ASPHD1: variants seen among roughly 807,000 people sequenced by gnomAD.
The protein encoded by ASPHD1 is aspartate beta-hydroxylase domain-containing protein 1.
A neutral mutation model predicts 28.3 loss-of-function variants in ASPHD1; 20 were observed. That is an observed-to-expected ratio of 0.71 (90% CI 0.50 to 1.03). ASPHD1 has a LOEUF of 1.03. ASPHD1 is among the 50% of genes least tolerant of loss of function. The pLI, the probability that ASPHD1 is intolerant of heterozygous loss-of-function variation, is 0.00. For synonymous variants in ASPHD1, 240 were observed against 221.2 expected (o/e 1.08, Z -0.75); for missense variants, 479 against 524.1 (o/e 0.91, Z 0.84).
At position 29,901,988 on chromosome 16, in the gene ASPHD1, C is replaced by A; in HGVS notation, c.949+68C>A. On this transcript the variant is annotated intron_variant, in intron 1 of 2. Coordinates refer to ENST00000308748, the MANE Select transcript of ASPHD1 (RefSeq NM_181718.4). The surrounding 1 kb of genome is among the most constrained non-coding windows in gnomAD (Gnocchi z 5.1). Reference sequence around the variant, plus strand: ...TTTCCCCCCCAGACCCTTCTCTCCGCCAGAGCCGTCTGCTGTCTGGTTCTC... The same window carrying A: ...TTTCCCCCCCAGACCCTTCTCTCCGACAGAGCCGTCTGCTGTCTGGTTCTC... 8.0e-7 allele frequency: 1 copy of A among 1,255,736 alleles called. No homozygotes were observed. Among genetic ancestry groups the A allele is most frequent in the Non-Finnish European group, 1.0e-6 (1 of 956,390 alleles). The allele number at this position is 1,255,736 out of a possible 1,614,324, so 77.8% of individuals were successfully genotyped here.
At chr16:29,918,340 G>A (rs967444885) in intron 3 of ASPHD1, among the ~76,000 whole-genome samples, 4 of 152,196 alleles carry the variant, frequency 2.6e-5, no homozygotes, top group Admixed American at 1.3e-4. Context: ...AATTATGAAC[G>A]TCATTAATGA....
intron 3 of ASPHD1, chr16:29,912,219 G>A: frequency 1.6e-6 from 1 of 643,874 alleles, no homozygotes; most frequent in Non-Finnish European, 2.7e-6. Context: ...TTGCTTGCTG[G>A]GCCTTGGTCC....
At position 29,905,977 on chromosome 16, in the gene ASPHD1, T is replaced by A; in HGVS notation, c.*80T>A. 2.6e-6 allele frequency: 2 copies of A among 770,818 alleles called. No individual in the cohort carries two copies. The highest frequency in any genetic ancestry group is 4.2e-6 in the Non-Finnish European group (2 of 481,726). 47.7% of individuals were successfully genotyped at this position (770,818 alleles called of 1,614,324 possible). On this transcript the variant is annotated 3_prime_UTR_variant, in exon 3 of 3. Transcript: ENST00000308748. The stretch of plus-strand genomic sequence containing the variant: ...GCTTGATGGTAGCCAGGACCTCCTC[T>A]CTACTGCGGGGGTGGGCGGGGGCGG...
At chr16:29,919,680 TAAC>T (rs1252055697), downstream of ASPHD1, 1 of 152,154 alleles carries the variant, frequency 6.6e-6, no homozygotes, top group Non-Finnish European at 1.5e-5. Context: ...TGGCAATTAT[TAAC>T]AACAACAAAA....
downstream of ASPHD1, among the ~76,000 whole-genome samples, chr16:29,910,415 T>A (rs999070361): frequency 1.3e-5 from 2 of 149,338 alleles, no homozygotes; most frequent in African/African-American, 2.6e-5. Context: ...ATAATAATAA[T>A]AATAAATAAA....
rs770508315 is a variant in ASPHD1 at position 29,905,839 on chromosome 16, CCAA to C, written c.1117_1119del (p.Asn373del). On this transcript the variant is annotated inframe_deletion, in exon 3 of 3. Transcript: ENST00000308748. ...GTCTTCATCGTGGACCTCTGGCACC[CCAA>C]CGTGGCAGGGGCTGAGCGCCAGGCC... The C allele has an allele frequency of 6.2e-7, 1 of 1,613,762 alleles. No homozygotes were observed. Among genetic ancestry groups the C allele is most frequent in the East Asian group, 2.2e-5 (1 of 44,854 alleles).
intron 3 of ASPHD1, chr16:29,914,795 A>G (rs2068780951): frequency 6.6e-6 from 1 of 152,220 alleles, no homozygotes; most frequent in South Asian, 2.1e-4. Flanking sequence ...CCACACTCCC[A>G]GTGTGCAGTG....
At chr16:29,904,041 C>T (rs2068577688) in intron 1 of ASPHD1, among the ~76,000 whole-genome samples, 1 of 152,012 alleles carries the variant, frequency 6.6e-6, no homozygotes, top group Non-Finnish European at 1.5e-5. Flanking sequence ...TGCCGTGGCT[C>T]ATCCCTGAAA....
downstream of ASPHD1, among the ~76,000 whole-genome samples, chr16:29,910,096 TAAAA>T (rs529199170): frequency 9.1e-6 from 1 of 110,424 alleles, no homozygotes. Context: ...AGACTCTGTC[TAAAA>T]AAAAAAAAAA....
rs570295575 is a variant in ASPHD1, at chr16:29,901,136, G to A, written c.165G>A (p.Glu55=). ...GGGGACAGGGGAACTGGGGTCCGGA[G>A]GACGCCCCAGGCCTCTTGGCCAGGG... The part of the protein sequence containing the change: ...ELGGQGNWGP[E]DAPGLLARAS... The change falls in exon 1 of 3, where the codon GAG becomes GAA. Residue 55 remains glutamate (E), a synonymous_variant. Transcript: ENST00000308748. This position sits in a 1 kb window ranked among gnomAD's most constrained non-coding sequence, Gnocchi z 5.1. 1.1e-5 allele frequency: 17 copies of A among 1,609,504 alleles called. 2 individuals are homozygous for A. In the South Asian group the frequency reaches 1.9e-4, roughly 18 times the overall value.
At chr16:29,912,229 CCACGGA>C (rs925272396) in intron 3 of ASPHD1, 117 of 629,598 alleles carry the variant, frequency 1.9e-4, no homozygotes, top group Non-Finnish European at 2.9e-4. Flanking sequence ...GGCCTTGGTC[CCACGGA>C]CACCTTGCTG....
At chr16:29,910,697 C>T (rs1342908757), downstream of ASPHD1, among the ~76,000 whole-genome samples, 2 of 152,140 alleles carry the variant, frequency 1.3e-5, no homozygotes, top group African/African-American at 4.8e-5. Context: ...ACCCCCTATA[C>T]AGAAAAATGC....
At chr16:29,911,229 C>G (rs2068702768) in intron 3 of ASPHD1, 1 of 1,375,840 alleles carries the variant, frequency 7.3e-7, no homozygotes, top group South Asian at 1.3e-5. Flanking sequence ...CCCTCTGTAC[C>G]CCCAGAAGAC....
intron 3 of ASPHD1, chr16:29,915,031 A>G (rs1340330940): frequency 6.6e-6 from 1 of 152,198 alleles, no homozygotes; most frequent in East Asian, 1.9e-4. Context: ...CATACATATA[A>G]GTCACTGGTG....
downstream of ASPHD1, chr16:29,906,971 A>G (rs758198808): frequency 4.3e-6 from 7 of 1,613,992 alleles, no homozygotes; most frequent in South Asian, 6.6e-5. Context: ...GGTTCTCTTC[A>G]TCCTCCCCGC....
At chr16:29,917,817 G>A (rs181519513) in intron 3 of ASPHD1, among the ~76,000 whole-genome samples, 1 of 152,122 alleles carries the variant, frequency 6.6e-6, no homozygotes, top group Non-Finnish European at 1.5e-5. Flanking sequence ...GTGTCATGGT[G>A]CACGCCTGTA....
chr16:29,907,991 AAGAGAGAG>A (rs574753177), downstream of ASPHD1, among the ~76,000 whole-genome samples: 1 of 151,264 alleles, frequency 6.6e-6, no homozygotes, highest in Non-Finnish European at 1.5e-5. Context: ...AAAAAAAAAA[AAGAGAGAG>A]AGAGAGAAAG....
At chr16:29,911,895 G>C in intron 3 of ASPHD1, 6 of 1,611,288 alleles carry the variant, frequency 3.7e-6, no homozygotes, top group Non-Finnish European at 5.1e-6. Context: ...ATGGACGAGA[G>C]GGGTGAGGCT....
intron 3 of ASPHD1, chr16:29,911,453 G>A (rs2068707784): frequency 1.8e-6 from 1 of 560,948 alleles, no homozygotes; most frequent in East Asian, 3.0e-5. Context: ...TTTTTAACTG[G>A]GTGACACTAG....
Sources: gnomAD v4.1 joint callset for allele counts (sites outside exome capture counted in the v4.1 genomes callset) on GRCh38, gnomAD v4.1.1 for gene constraint, Gnocchi (gnomAD v3.1) non-coding constraint, MANE v1.5 for transcripts, NCBI Gene and HGNC (gene_info 2026-07-23, HGNC 2026-07-21) for gene names.